Variants in AJAP1 observed in about 807,000 individuals in gnomAD.
AJAP1 encodes the protein adherens junctions associated protein 1, also known as adherens junction-associated protein 1.
In AJAP1, 5 loss-of-function variants were observed where a neutral mutation model predicts 35.0. The ratio of observed to expected loss-of-function variants is 0.14; its 90% confidence interval spans 0.07 to 0.30. AJAP1 has a LOEUF of 0.30. Among genes scored for constraint, AJAP1 ranks in the 10% least tolerant of loss-of-function variants. The pLI is 1.00. For missense variants in AJAP1, 586 were observed against 571.0 expected, an observed-to-expected ratio of 1.03 and a Z score of -0.27; for synonymous variants, 284 against 249.3, an observed-to-expected ratio of 1.14 and a Z score of -1.31.
At chr1:4,665,399 C>T (rs1384039551) in intron 1 of AJAP1, among the ~76,000 whole-genome samples, 1 of 152,188 alleles carries the variant, frequency 6.6e-6, no homozygotes, top group East Asian at 1.9e-4. Flanking sequence ...GGCTAATTTA[C>T]TGCCCATTAC....
chr1:4,727,151 C>T (rs778049948), intron 2 of AJAP1, among the ~76,000 whole-genome samples: 7 of 152,234 alleles, frequency 4.6e-5, no homozygotes, highest in African/African-American at 1.4e-4. Context: ...CTGTGCCAGG[C>T]GGCCGTTCCC....
In AJAP1 at chr1:4,712,556, T is replaced by C; in HGVS notation, c.686T>C (p.Met229Thr). 1 of 1,612,454 alleles carries C rather than the reference T, an allele frequency of 6.2e-7. No individual in the cohort carries two copies. The highest frequency in any genetic ancestry group is 8.5e-7 in the Non-Finnish European group (1 of 1,179,488). ...ACCACCACCACCACGGCCACCCCCA[T>C]GACGCTGCAGACTAAGGGGTTCACC... ...TTTTTTTATP[M>T]TLQTKGFTES... Residue 229 changes from methionine (M) to threonine (T), a missense_variant, in exon 2 of 6, where the codon ATG (methionine) becomes ACG (threonine). Transcript: ENST00000378191.
rs1638845334 is a variant in AJAP1, at chr1:4,655,097, A to ACAGCGCCGGAACACGCCCCGC, written c.-327_-307dup. 6.7e-6 allele frequency: 1 copy of ACAGCGCCGGAACACGCCCCGC among 149,790 alleles called. No individual in the cohort carries two copies. The highest frequency in any genetic ancestry group is 1.5e-5 in the Non-Finnish European group (1 of 67,246). The allele number at this position is 149,790 out of a possible 1,614,324, so 9.3% of individuals were successfully genotyped here. ...CTCCCCAGCCCTTTGCTGCGCCGCG[A>ACAGCGCCGGAACACGCCCCGC]CAGCGCCGGAACACGCCCCGCCTCG... On this transcript the variant is annotated 5_prime_UTR_variant, in exon 1 of 6. Coordinates refer to ENST00000378191, the MANE Select transcript of AJAP1 (RefSeq NM_018836.4). The surrounding 1 kb of genome is among the most constrained non-coding windows in gnomAD (Gnocchi z 6.9).
At chr1:4,697,855 T>C (rs1639901352) in intron 1 of AJAP1, among the ~76,000 whole-genome samples, 1 of 152,244 alleles carries the variant, frequency 6.6e-6, no homozygotes, top group Non-Finnish European at 1.5e-5. Flanking sequence ...ACCTGCCTGG[T>C]CCTGGGCCTG....
intron 5 of AJAP1, among the ~76,000 whole-genome samples, chr1:4,781,059 G>T (rs1331474156): frequency 1.3e-5 from 2 of 152,168 alleles, no homozygotes; most frequent in African/African-American, 4.8e-5. Flanking sequence ...CAAATGAGTA[G>T]ACTCTGGCAC....
At chr1:4,773,089 G>C (rs1057304066) in intron 4 of AJAP1, among the ~76,000 whole-genome samples, 1 of 152,104 alleles carries the variant, frequency 6.6e-6, no homozygotes, top group African/African-American at 2.4e-5. Flanking sequence ...AAAAACCCTT[G>C]AGTCAGCTTT....
At chr1:4,657,057 C>G (rs538900382) in intron 1 of AJAP1, among the ~76,000 whole-genome samples, 3 of 152,190 alleles carry the variant, frequency 2.0e-5, no homozygotes, top group Non-Finnish European at 4.4e-5. Context: ...CGACCTGCTT[C>G]CTGAGCTGCC....
chr1:4,719,024 C>A (rs889820682), intron 2 of AJAP1, among the ~76,000 whole-genome samples: 3 of 152,172 alleles, frequency 2.0e-5, no homozygotes, highest in Non-Finnish European at 4.4e-5. Context: ...TTCCTTACAT[C>A]ATGAATGTCA....
intron 1 of AJAP1, among the ~76,000 whole-genome samples, chr1:4,710,079 CACAG>C (rs568770371): frequency 2.3e-4 from 35 of 152,174 alleles, no homozygotes; most frequent in Admixed American, 1.2e-3. Context: ...GAGTCTCTCA[CACAG>C]ACACTCACAG....
At chr1:4,772,031 A>G (rs190993500) in intron 3 of AJAP1, among the ~76,000 whole-genome samples, 126 of 152,058 alleles carry the variant, frequency 8.3e-4, no homozygotes, top group Non-Finnish European at 1.7e-3. Flanking sequence ...ACAGCTCACT[A>G]CTTACCCCTC....
At chr1:4,709,222 G>A (rs1382172407) in intron 1 of AJAP1, among the ~76,000 whole-genome samples, 5 of 149,634 alleles carry the variant, frequency 3.3e-5, no homozygotes, top group African/African-American at 9.7e-5. Flanking sequence ...GTGGGGGCTG[G>A]TGGGGGCTGG....
At chr1:4,660,697 G>A (rs2100502999) in intron 1 of AJAP1, among the ~76,000 whole-genome samples, 1 of 152,080 alleles carries the variant, frequency 6.6e-6, no homozygotes, top group South Asian at 2.1e-4. Context: ...AGCAGTCAAA[G>A]GTGATGTGGA....
At chr1:4,684,049 G>A (rs943595259) in intron 1 of AJAP1, among the ~76,000 whole-genome samples, 4 of 152,158 alleles carry the variant, frequency 2.6e-5, no homozygotes, top group African/African-American at 9.7e-5. Flanking sequence ...AGGGCCCCGG[G>A]AATGGCCTGG....
chr1:4,733,313 C>A (rs1640842971), intron 2 of AJAP1, among the ~76,000 whole-genome samples: 2 of 151,958 alleles, frequency 1.3e-5, no homozygotes, highest in African/African-American at 4.8e-5. Context: ...GGCTGGATGG[C>A]CCCAAGAGTC....
intron 2 of AJAP1, among the ~76,000 whole-genome samples, chr1:4,762,944 G>A (rs1052675941): frequency 6.6e-6 from 1 of 152,168 alleles, no homozygotes; most frequent in East Asian, 1.9e-4. Flanking sequence ...CAAGGTGTTA[G>A]CCCCATGACC....
chr1:4,680,415 C>G (rs888766023), intron 1 of AJAP1, among the ~76,000 whole-genome samples: 2 of 152,206 alleles, frequency 1.3e-5, no homozygotes, highest in Non-Finnish European at 2.9e-5. Flanking sequence ...AATAAGGTCA[C>G]AGTCTGAGGT....
Position 4,784,471 on chromosome 1 carries a change from G to C in AJAP1, c.*1986G>C, listed in dbSNP as rs55984067. On this transcript the variant is annotated 3_prime_UTR_variant, in exon 6 of 6. Transcript: ENST00000378191. ...AAAAAGGTTAAAGATCAGACAGACAGCTGACCTTACTGCCCTCAATGGCCA... is the reference window on the plus strand; with the variant it reads ...AAAAAGGTTAAAGATCAGACAGACACCTGACCTTACTGCCCTCAATGGCCA... 0.29 allele frequency: 44,220 copies of C among 152,136 alleles called. 6,970 individuals carry two copies. Among genetic ancestry groups the C allele is most frequent in the African/African-American group, 0.36 (14,865 of 41,504 alleles). 9.4% of individuals were successfully genotyped at this position (152,136 alleles called of 1,614,324 possible).
intron 1 of AJAP1, among the ~76,000 whole-genome samples, chr1:4,677,701 A>C (rs144258791): frequency 6.6e-6 from 1 of 151,958 alleles, no homozygotes; most frequent in East Asian, 1.9e-4. Flanking sequence ...TATGGGGCAG[A>C]TGATATTCCA....
intron 2 of AJAP1, among the ~76,000 whole-genome samples, chr1:4,730,524 T>C (rs1640774713): frequency 6.6e-6 from 1 of 152,184 alleles, no homozygotes; most frequent in Admixed American, 6.5e-5. Context: ...CCGAAGCTGT[T>C]GCGTGTGTGA....
Sources: gnomAD v4.1 joint callset for allele counts (sites outside exome capture counted in the v4.1 genomes callset) on GRCh38, gnomAD v4.1.1 for gene constraint, Gnocchi (gnomAD v3.1) non-coding constraint, MANE v1.5 for transcripts, NCBI Gene and HGNC (gene_info 2026-07-23, HGNC 2026-07-21) for gene names.